CELF2: variants seen among roughly 807,000 people sequenced by gnomAD.
CELF2 encodes CUG triplet repeat RNA-binding protein 2.
A neutral mutation model predicts 62.6 loss-of-function variants in CELF2; 8 were observed. That is an observed-to-expected ratio of 0.13 (90% CI 0.07 to 0.23). CELF2 has a LOEUF of 0.23. Among genes scored for constraint, CELF2 ranks in the 10% least tolerant of loss-of-function variants. CELF2 has a pLI of 1.00. For missense variants in CELF2, 333 were observed against 671.0 expected (o/e 0.50, Z 5.56); for synonymous variants, 258 against 250.0 (o/e 1.03, Z -0.30).
chr10:11,045,345 C>T (rs2062628496), intron 1 of CELF2, among the ~76,000 whole-genome samples: 1 of 152,098 alleles, frequency 6.6e-6, no homozygotes, highest in Admixed American at 6.5e-5. Flanking sequence ...TCAAGCAGTC[C>T]TCCCACTTCA....
At chr10:10,948,688 A>G (rs1317039506) in intron 2 of CELF2, among the ~76,000 whole-genome samples, 1 of 152,138 alleles carries the variant, frequency 6.6e-6, no homozygotes, top group Non-Finnish European at 1.5e-5. Flanking sequence ...CTTTCTGCAC[A>G]ATAGTCGGAA....
At chr10:10,624,880 G>A in the CELF2 span, among the ~76,000 whole-genome samples, 1 of 152,206 alleles carries the variant, frequency 6.6e-6, no homozygotes, top group South Asian at 2.1e-4. Flanking sequence ...GACACAAAGA[G>A]GCAGATGGCA....
At chr10:10,950,505 C>T (rs746968472) in intron 2 of CELF2, among the ~76,000 whole-genome samples, 2 of 151,902 alleles carry the variant, frequency 1.3e-5, no homozygotes, top group African/African-American at 2.4e-5. Flanking sequence ...TCTGTGTGTG[C>T]GAGGGGATAC....
chr10:10,980,158 A>C (rs961905154), intron 2 of CELF2, among the ~76,000 whole-genome samples: 4 of 152,246 alleles, frequency 2.6e-5, no homozygotes, highest in Admixed American at 2.6e-4. Flanking sequence ...TAAATGTCAA[A>C]GAATAATAAA....
At chr10:11,152,759 C>G (rs183469535) in intron 1 of CELF2, among the ~76,000 whole-genome samples, 1 of 152,312 alleles carries the variant, frequency 6.6e-6, no homozygotes, top group East Asian at 1.9e-4. Flanking sequence ...ATCAAACTTA[C>G]ATAACTCTTG....
the CELF2 span, among the ~76,000 whole-genome samples, chr10:10,614,412 C>T: frequency 2.0e-5 from 3 of 152,034 alleles, no homozygotes; most frequent in African/African-American, 4.8e-5. Context: ...CAGCCACATC[C>T]GGAAGGCAGT....
At chr10:10,622,333 G>T in the CELF2 span, among the ~76,000 whole-genome samples, 6 of 152,298 alleles carry the variant, frequency 3.9e-5, no homozygotes, top group Non-Finnish European at 8.8e-5. Flanking sequence ...GTTAGGCCAG[G>T]TATGGTGGCT....
the CELF2 span, among the ~76,000 whole-genome samples, chr10:10,743,940 C>A: frequency 6.6e-6 from 1 of 152,150 alleles, no homozygotes; most frequent in Non-Finnish European, 1.5e-5. Context: ...TCTTTGATAA[C>A]CCCTGGATAT....
At chr10:10,696,966 G>A in the CELF2 span, among the ~76,000 whole-genome samples, 1 of 152,236 alleles carries the variant, frequency 6.6e-6, no homozygotes, top group South Asian at 2.1e-4. Context: ...GCTGGGAGCT[G>A]TAGAGGGGAG....
chr10:11,187,271 G>A (rs1463597513), intron 2 of CELF2, among the ~76,000 whole-genome samples: 1 of 152,018 alleles, frequency 6.6e-6, no homozygotes. Flanking sequence ...TGACTCCTTG[G>A]TGGTTTTGAA....
At chr10:10,589,255 A>G in the CELF2 span, among the ~76,000 whole-genome samples, 1 of 152,234 alleles carries the variant, frequency 6.6e-6, no homozygotes, top group Non-Finnish European at 1.5e-5. Context: ...GAATGTCTGG[A>G]TGAAGATACA....
chr10:10,832,561 C>A (rs2132274046), intron 1 of CELF2, among the ~76,000 whole-genome samples: 1 of 152,300 alleles, frequency 6.6e-6, no homozygotes, highest in Admixed American at 6.5e-5. Context: ...GAGAGAATAA[C>A]CCTTTCGAAG....
Position 11,207,497 on chromosome 10 carries a change from AG to A in CELF2, c.272-9926del, listed in dbSNP as rs1177764975. ...ATCATTGTTCCCTCCCGGGCTGAAAAGGTGGCTCAGATTTGCTGTCTGCGAG... is the reference window on the plus strand; with the variant it reads ...ATCATTGTTCCCTCCCGGGCTGAAAAGTGGCTCAGATTTGCTGTCTGCGAG... On this transcript the variant is annotated intron_variant, in intron 2 of 12. Coordinates refer to ENST00000633077, the MANE Select transcript of CELF2 (RefSeq NM_001326342.2). This position sits in a 1 kb window ranked among gnomAD's most constrained non-coding sequence, Gnocchi z 4.1. 4.6e-5 allele frequency among the ~76,000 whole-genome samples: 7 copies of A among 152,204 alleles called. No individual in the cohort carries two copies. Among genetic ancestry groups the A allele is most frequent in the Non-Finnish European group, 7.3e-5 (5 of 68,034 alleles).
intron 4 of CELF2, among the ~76,000 whole-genome samples, chr10:11,251,750 TGAGGTTTACATAA>T: frequency 6.6e-6 from 1 of 152,344 alleles, no homozygotes; most frequent in Middle Eastern, 3.4e-3. Flanking sequence ...CAAGGTTATT[TGAGGTTTACATAA>T]GTTAACGTCT....
intron 7 of CELF2, among the ~76,000 whole-genome samples, chr10:11,274,193 G>A (rs2085079847): frequency 6.6e-6 from 1 of 152,200 alleles, no homozygotes; most frequent in Admixed American, 6.5e-5. Context: ...ACTGCTAACT[G>A]CATCTGTACT....
chr10:10,512,556 C>T, the CELF2 span, among the ~76,000 whole-genome samples: 1 of 151,824 alleles, frequency 6.6e-6, no homozygotes, highest in African/African-American at 2.4e-5. Context: ...AGATTACAGG[C>T]ATGCGCCACC....
chr10:11,128,681 C>G (rs545647153), intron 1 of CELF2, among the ~76,000 whole-genome samples: 1 of 152,192 alleles, frequency 6.6e-6, no homozygotes, highest in South Asian at 2.1e-4. Flanking sequence ...CTCTGTTTGT[C>G]TGTTATTGGT....
At chr10:10,495,826 C>G in the CELF2 span, among the ~76,000 whole-genome samples, 2 of 152,186 alleles carry the variant, frequency 1.3e-5, no homozygotes, top group Non-Finnish European at 2.9e-5. Flanking sequence ...GATGGTCATA[C>G]TCTCTGAGGA....
At chr10:11,279,370 T>C (rs2087401002) in intron 8 of CELF2, among the ~76,000 whole-genome samples, 1 of 152,190 alleles carries the variant, frequency 6.6e-6, no homozygotes, top group African/African-American at 2.4e-5. Context: ...CTTAGAAGAC[T>C]GTCTTGGTGT....
Sources: allele counts gnomAD v4.1 joint callset (sites outside exome capture counted in the v4.1 genomes callset), GRCh38; gene constraint gnomAD v4.1.1; non-coding constraint Gnocchi (gnomAD v3.1); transcripts MANE v1.5; gene names NCBI Gene and HGNC (gene_info 2026-07-23, HGNC 2026-07-21).